ADAM18: variants seen among roughly 807,000 people sequenced by gnomAD.
ADAM18 encodes ADAM metallopeptidase domain 18.
Under a neutral mutation model 94.4 loss-of-function variants are expected in ADAM18, and 117 were observed. The ratio of observed to expected loss-of-function variants is 1.24; its 90% CI spans 1.07 to 1.45. The LOEUF (loss-of-function observed/expected upper bound fraction) is 1.45. Among genes scored for constraint, ADAM18 ranks in the 40% most tolerant of loss-of-function variants. The probability of loss-of-function intolerance (pLI) is 0.00; values close to 1 mark genes in which losing one functional copy is unlikely to be tolerated. For missense variants in ADAM18, 936 were observed against 880.0 expected (o/e 1.06, Z -0.81); for synonymous variants, 327 against 291.6 (o/e 1.12, Z -1.24).
In ADAM18 at chr8:39,635,615, G is replaced by T. The variant is rs953515101; in HGVS notation, c.589-1649G>T. On this transcript the variant is annotated intron_variant, in intron 7 of 19. Transcript: ENST00000265707. ...AAAATTTTTGACATTTTTCCCACAA[G>T]TGTCTTTTTCCTAATTCAGTCCTCA... Among the ~76,000 whole-genome samples the T allele has an allele frequency of 7.2e-5, 11 of 152,134 alleles. 1 individual carries two copies. Among genetic ancestry groups the T allele is most frequent in the Admixed American group, 2.0e-4 (3 of 15,256 alleles).
At chr8:39,696,660 C>G (rs1450254629) in intron 17 of ADAM18, among the ~76,000 whole-genome samples, 1 of 151,540 alleles carries the variant, frequency 6.6e-6, no homozygotes, top group Admixed American at 6.6e-5. Context: ...GAAGCCTTGA[C>G]AGAAATAATT....
At chr8:39,650,597 G>C (rs984403242) in intron 12 of ADAM18, among the ~76,000 whole-genome samples, 8 of 152,144 alleles carry the variant, frequency 5.3e-5, no homozygotes, top group Non-Finnish European at 1.2e-4. Flanking sequence ...TGAAAGATCT[G>C]TATACTGAAA....
chr8:39,595,270 T>A (rs993998625), intron 2 of ADAM18, among the ~76,000 whole-genome samples: 2 of 152,060 alleles, frequency 1.3e-5, no homozygotes, highest in Non-Finnish European at 2.9e-5. Flanking sequence ...GAATCCTGAA[T>A]AGGTGAAGCA....
At chr8:39,587,806 G>A (rs2129457942) in intron 2 of ADAM18, among the ~76,000 whole-genome samples, 1 of 152,216 alleles carries the variant, frequency 6.6e-6, no homozygotes, top group African/African-American at 2.4e-5. Context: ...TTGTCCTTCT[G>A]TGACTGTCTC....
intron 6 of ADAM18, among the ~76,000 whole-genome samples, chr8:39,623,650 G>T (rs1436308496): frequency 6.6e-6 from 1 of 152,116 alleles, no homozygotes; most frequent in Non-Finnish European, 1.5e-5. Context: ...AGGCTGGAGT[G>T]CAGTGGGGTG....
At chr8:39,709,604 C>T (rs1822340457) in intron 18 of ADAM18, among the ~76,000 whole-genome samples, 1 of 152,154 alleles carries the variant, frequency 6.6e-6, no homozygotes. Flanking sequence ...TTCAATTATT[C>T]ATTCATTCAT....
chr8:39,611,917 A>G (rs1241592655), intron 6 of ADAM18, among the ~76,000 whole-genome samples: 1 of 152,214 alleles, frequency 6.6e-6, no homozygotes, highest in Non-Finnish European at 1.5e-5. Flanking sequence ...ACACACTAAA[A>G]GTGGAAAGCA....
chr8:39,721,171 T>A (rs1004215954), intron 18 of ADAM18, among the ~76,000 whole-genome samples: 1 of 151,426 alleles, frequency 6.6e-6, no homozygotes, highest in Non-Finnish European at 1.5e-5. Flanking sequence ...TCAAAAATGA[T>A]CCACACTCAC....
intron 18 of ADAM18, among the ~76,000 whole-genome samples, chr8:39,718,526 A>C (rs1822642900): frequency 6.6e-6 from 1 of 151,488 alleles, no homozygotes; most frequent in African/African-American, 2.4e-5. Context: ...ATAATTAAAG[A>C]ATAGAATGGT....
chr8:39,667,423 T>C (rs1322456435), intron 13 of ADAM18, among the ~76,000 whole-genome samples: 1 of 147,156 alleles, frequency 6.8e-6, no homozygotes, highest in Admixed American at 6.7e-5. Flanking sequence ...AAAAAAAAGA[T>C]GCTGATATGA....
chr8:39,663,737 G>A lies in ADAM18; in HGVS notation c.1231-58G>A, dbSNP rs936428484. ...AATATTAAATTGAAATTGAGATTAA[G>A]AAACAAGAGCTTTTAAGTGGTTAAA... On this transcript the variant is annotated intron_variant, in intron 12 of 19. Coordinates refer to ENST00000265707, the MANE Select transcript of ADAM18 (RefSeq NM_014237.3). 8.2e-6 allele frequency: 9 copies of A among 1,099,160 alleles called. No homozygotes were observed. In the African/African-American group the frequency reaches 1.5e-4, roughly 18 times the overall value. 68.1% of individuals were successfully genotyped at this position (1,099,160 alleles called of 1,614,324 possible).
At chr8:39,608,634 C>T (rs1048108151) in intron 3 of ADAM18, among the ~76,000 whole-genome samples, 1 of 151,906 alleles carries the variant, frequency 6.6e-6, no homozygotes, top group Non-Finnish European at 1.5e-5. Flanking sequence ...TTGTAACCAC[C>T]CTCCCCAGGC....
chr8:39,627,833 G>A (rs1819816791), intron 6 of ADAM18, among the ~76,000 whole-genome samples: 1 of 151,802 alleles, frequency 6.6e-6, no homozygotes, highest in Admixed American at 6.6e-5. Context: ...CTTTCAAGAG[G>A]TCCTATTCTG....
At chr8:39,662,390 A>C (rs914225555) in intron 12 of ADAM18, among the ~76,000 whole-genome samples, 1 of 152,166 alleles carries the variant, frequency 6.6e-6, no homozygotes, top group African/African-American at 2.4e-5. Flanking sequence ...ATTTGATTGT[A>C]TAAGCATACG....
At chr8:39,611,409 C>G in intron 6 of ADAM18, 1 of 927,942 alleles carries the variant, frequency 1.1e-6, no homozygotes, top group Non-Finnish European at 1.2e-6. Context: ...ATTAAATTAG[C>G]TTGTGTGAAT....
At chr8:39,654,689 C>A (rs977518301) in intron 12 of ADAM18, among the ~76,000 whole-genome samples, 2 of 152,164 alleles carry the variant, frequency 1.3e-5, no homozygotes, top group African/African-American at 2.4e-5. Flanking sequence ...CCTTTCTCAG[C>A]ATCCACATTA....
At chr8:39,687,634 C>T (rs149469034) in intron 16 of ADAM18, among the ~76,000 whole-genome samples, 120 of 152,228 alleles carry the variant, frequency 7.9e-4, no homozygotes, top group African/African-American at 2.8e-3. Flanking sequence ...CCTCCCATTT[C>T]AAGCAGTCCC....
chr8:39,696,377 A>G (rs1448252949), intron 17 of ADAM18, among the ~76,000 whole-genome samples: 2 of 151,390 alleles, frequency 1.3e-5, no homozygotes, highest in African/African-American at 2.4e-5. Flanking sequence ...AAAGTTTTTA[A>G]TTTTGATGAT....
chr8:39,703,381 C>T (rs1822142551), intron 17 of ADAM18, among the ~76,000 whole-genome samples: 1 of 152,090 alleles, frequency 6.6e-6, no homozygotes, highest in Non-Finnish European at 1.5e-5. Flanking sequence ...AGCTTTGAGG[C>T]TGAGACAATG....
Sources: allele counts gnomAD v4.1 joint callset (sites outside exome capture counted in the v4.1 genomes callset), GRCh38; gene constraint gnomAD v4.1.1; transcripts MANE v1.5; gene names NCBI Gene and HGNC (gene_info 2026-07-23, HGNC 2026-07-21).